Variants in LARP1B observed in about 807,000 individuals in gnomAD.
The protein encoded by LARP1B is la-related protein 1B.
A neutral mutation model predicts 114.2 loss-of-function variants in LARP1B; 76 were observed. That is an observed-to-expected ratio of 0.67 (90% confidence interval 0.55 to 0.81). The LOEUF (loss-of-function observed/expected upper bound fraction) is 0.81. Ranked by LOEUF, LARP1B falls within the 30% of genes least tolerant of loss-of-function variation. The probability of loss-of-function intolerance (pLI) is 0.00; values close to 1 mark genes in which losing one functional copy is unlikely to be tolerated. For missense variants in LARP1B, 1,014 were observed against 1,075.8 expected, an observed-to-expected ratio of 0.94 and a Z score of 0.80; for synonymous variants, 345 against 348.0, an observed-to-expected ratio of 0.99 and a Z score of 0.10.
intron 8 of LARP1B, among the ~76,000 whole-genome samples, chr4:128,098,769 T>TATATATATA (rs1561201033): frequency 2.1e-4 from 3 of 14,430 alleles, no homozygotes; most frequent in African/African-American, 5.4e-4. Context: ...ATATATATAT[T>TATATATATA]TTTTTTTTTT....
intron 11 of LARP1B, among the ~76,000 whole-genome samples, chr4:128,160,342 C>A (rs1461550315): frequency 6.6e-6 from 1 of 152,108 alleles, no homozygotes; most frequent in Non-Finnish European, 1.5e-5. Flanking sequence ...CAGAAACATG[C>A]AAAACACCTA....
rs754019115 is a variant in LARP1B, at chr4:128,142,438, A to G, written c.1525-19756A>G. On this transcript the variant is annotated intron_variant, in intron 11 of 19. Coordinates refer to ENST00000326639, the MANE Select transcript of LARP1B (RefSeq NM_018078.4). ...GCCTTTACATAGAAACTGTGCCATC[A>G]AAGTACAGTCTGTGGAGTTCTTCCA... Among the ~76,000 whole-genome samples, 18 of 152,290 alleles carry G rather than the reference A, an allele frequency of 1.2e-4. 1 individual carries two copies. Among genetic ancestry groups the G allele is most frequent in the East Asian group, 3.9e-4 (2 of 5,188 alleles).
chr4:128,098,110 C>T (rs1778740069), intron 7 of LARP1B, 76 bp from the exon 8 acceptor site: 2 of 1,162,978 alleles, frequency 1.7e-6, no homozygotes, highest in Admixed American at 2.0e-5. Context: ...GATTGGTTTT[C>T]ACAGTTAATG....
At chr4:128,148,448 A>AG in intron 11 of LARP1B, among the ~76,000 whole-genome samples, 1 of 152,106 alleles carries the variant, frequency 6.6e-6, no homozygotes, top group East Asian at 1.9e-4. Context: ...AAAAAAAAAA[A>AG]GCTTCTAAAT....
At chr4:128,131,144 G>C (rs1356870167) in intron 11 of LARP1B, among the ~76,000 whole-genome samples, 2 of 152,132 alleles carry the variant, frequency 1.3e-5, no homozygotes, top group African/African-American at 4.8e-5. Flanking sequence ...AAAATGTACA[G>C]GACAATTTTG....
chr4:128,086,823 C>A (rs1362403274), intron 5 of LARP1B, among the ~76,000 whole-genome samples: 1 of 151,722 alleles, frequency 6.6e-6, no homozygotes, highest in Non-Finnish European at 1.5e-5. Flanking sequence ...TTTTTTGAGA[C>A]AAAGCCTCAC....
At chr4:128,095,519 A>T (rs1777601150) in intron 7 of LARP1B, among the ~76,000 whole-genome samples, 1 of 147,748 alleles carries the variant, frequency 6.8e-6, no homozygotes, top group Non-Finnish European at 1.5e-5. Flanking sequence ...AAAGTAAATG[A>T]TTTACTAGTG....
intron 9 of LARP1B, chr4:128,107,635 G>A (rs1037525506): frequency 1.4e-6 from 2 of 1,414,144 alleles, no homozygotes; most frequent in South Asian, 1.6e-5. Context: ...AATTGGAATA[G>A]TATGATTGGA....
chr4:128,169,666 T>C (rs1239439981), intron 12 of LARP1B, among the ~76,000 whole-genome samples: 1 of 152,182 alleles, frequency 6.6e-6, no homozygotes, highest in African/African-American at 2.4e-5. Flanking sequence ...TCTCGGAGTC[T>C]CGCCCTGTCG....
chr4:128,113,540 AC>A (rs1255494747), intron 9 of LARP1B, among the ~76,000 whole-genome samples: 2 of 151,292 alleles, frequency 1.3e-5, no homozygotes, highest in Non-Finnish European at 1.5e-5. Flanking sequence ...ACGGAGTTTC[AC>A]CATCTTGGCC....
chr4:128,061,790 C>T, intron 1 of LARP1B: 1 of 984,938 alleles, frequency 1.0e-6, no homozygotes, highest in Non-Finnish European at 1.2e-6. Flanking sequence ...GGCGAACCGG[C>T]CGGCCGAGCA....
At chr4:128,154,507 T>A (rs991389840) in intron 11 of LARP1B, among the ~76,000 whole-genome samples, 1 of 152,242 alleles carries the variant, frequency 6.6e-6, no homozygotes, top group Non-Finnish European at 1.5e-5. Context: ...ATTTTCATTG[T>A]CCTGTTGCTC....
chr4:128,075,393 A>C (rs1370638301), intron 3 of LARP1B, among the ~76,000 whole-genome samples: 1 of 151,958 alleles, frequency 6.6e-6, no homozygotes, highest in Non-Finnish European at 1.5e-5. Context: ...GCTGAGGAAC[A>C]GATTTAAAAA....
chr4:128,102,295 A>T (rs571083117), intron 8 of LARP1B, among the ~76,000 whole-genome samples: 1 of 152,194 alleles, frequency 6.6e-6, no homozygotes, highest in Non-Finnish European at 1.5e-5. Flanking sequence ...CTCTGTGACT[A>T]TTGTCAGTGT....
intron 11 of LARP1B, among the ~76,000 whole-genome samples, chr4:128,154,190 A>C (rs1304741902): frequency 6.6e-6 from 1 of 152,186 alleles, no homozygotes; most frequent in Non-Finnish European, 1.5e-5. Flanking sequence ...ACACCAAAGA[A>C]AGACTTTGCT....
chr4:128,105,324 C>T (rs920862853), intron 8 of LARP1B, among the ~76,000 whole-genome samples: 10 of 152,228 alleles, frequency 6.6e-5, no homozygotes, highest in Admixed American at 5.2e-4. Flanking sequence ...TTGATTTCTT[C>T]TGTCTCTGAG....
chr4:128,065,301 CTTT>C (rs1762158820), intron 1 of LARP1B, among the ~76,000 whole-genome samples: 7 of 131,054 alleles, frequency 5.3e-5, no homozygotes, highest in Admixed American at 4.1e-4. Flanking sequence ...TTCTTTCTTT[CTTT>C]CTTTCTTTCT....
intron 11 of LARP1B, among the ~76,000 whole-genome samples, chr4:128,161,076 T>C (rs1344360330): frequency 6.6e-6 from 1 of 152,244 alleles, no homozygotes; most frequent in Non-Finnish European, 1.5e-5. Context: ...ATTAGTACCA[T>C]GTGGAGTAGA....
chr4:128,152,207 A>ATT (rs35669651), intron 11 of LARP1B, among the ~76,000 whole-genome samples: 8,033 of 140,596 alleles, frequency 0.057, 808 homozygotes, highest in African/African-American at 0.2. Context: ...TAAGATGGTG[A>ATT]TTTTTTTTTT....
Sources: allele counts gnomAD v4.1 joint callset (sites outside exome capture counted in the v4.1 genomes callset), GRCh38; gene constraint gnomAD v4.1.1; transcripts MANE v1.5; gene names NCBI Gene and HGNC (gene_info 2026-07-23, HGNC 2026-07-21).